The following PXN variants were observed in gnomAD, a reference collection of about 807,000 sequenced individuals.
The protein encoded by PXN is testicular tissue protein Li 134.
PXN carries 61 observed loss-of-function variants against 103.6 expected under a neutral mutation model. That is an observed-to-expected ratio of 0.59 (90% CI 0.48 to 0.73). PXN has a LOEUF of 0.73. Among genes scored for constraint, PXN ranks in the 30% least tolerant of loss-of-function variants. The probability of loss-of-function intolerance (pLI) is 0.00; values close to 1 mark genes in which losing one functional copy is unlikely to be tolerated. For synonymous variants in PXN, 562 were observed against 607.8 expected (o/e 0.92, Z 1.11); for missense variants, 1,274 against 1,460.3 (o/e 0.87, Z 2.08).
In PXN at chr12:120,216,660, C is replaced by A. The variant is rs1475331056; in HGVS notation, c.1993-79G>T. 1.9e-6 allele frequency: 3 copies of A among 1,560,940 alleles called. No individual in the cohort carries two copies. The East Asian group carries it at 7.0e-5, about 36-fold the overall frequency. On this transcript the variant is annotated intron_variant, in intron 8 of 14. Coordinates refer to ENST00000637617, the MANE Select transcript of PXN (RefSeq NM_001385981.1). The surrounding 1 kb of genome is among the most constrained non-coding windows in gnomAD (Gnocchi z 5.1). Reference sequence around the variant, plus strand: ...ACAGGGGTGGCGGGACCTCCCCAGGCTCCCCCTGGGCCTTCCCACTCTGCA... The same window carrying A: ...ACAGGGGTGGCGGGACCTCCCCAGGATCCCCCTGGGCCTTCCCACTCTGCA...
In PXN at chr12:120,224,313, C is replaced by CGACAA. The variant is rs1566393079; in HGVS notation, c.73_77dup (p.Glu27CysfsTer42). The CGACAA allele has an allele frequency of 6.2e-7, 1 of 1,613,930 alleles. No homozygotes were observed. The highest frequency in any genetic ancestry group is 8.5e-7 in the Non-Finnish European group (1 of 1,179,872). On this transcript the variant is annotated frameshift_variant, in exon 2 of 15. Transcript: ENST00000637617. LOFTEE classifies it high-confidence loss of function. The surrounding 1 kb of genome is among the most constrained non-coding windows in gnomAD (Gnocchi z 5.0). ...TTGGGTATGAGTAGGGGGTCTCCTC[C>CGACAA]GACAAGAACACAGGCCGTTTGGAGA...
chr12:120,240,806 C>A (rs1890014550), intron 1 of PXN, among the ~76,000 whole-genome samples: 1 of 152,190 alleles, frequency 6.6e-6, no homozygotes, highest in Admixed American at 6.5e-5. Context: ...TCGACACTAA[C>A]CCACCCAGGA....
chr12:120,246,514 C>CAAAAAAA (rs139689226), intron 1 of PXN, among the ~76,000 whole-genome samples: 48 of 57,066 alleles, frequency 8.4e-4, no homozygotes, highest in Non-Finnish European at 9.9e-4. Context: ...GACTCTGTCT[C>CAAAAAAA]AAAAAAAAAA....
At chr12:120,240,119 C>A (rs1166812549) in intron 1 of PXN, among the ~76,000 whole-genome samples, 1 of 152,146 alleles carries the variant, frequency 6.6e-6, no homozygotes, top group Non-Finnish European at 1.5e-5. Context: ...GGTATAATAA[C>A]TGCCCCTTAT....
chr12:120,255,950 G>A (rs1275196612), intron 1 of PXN, among the ~76,000 whole-genome samples: 5 of 149,448 alleles, frequency 3.3e-5, no homozygotes, highest in Admixed American at 1.3e-4. Flanking sequence ...TGCGGACTGC[G>A]GGGGGTTGGG....
chr12:120,247,751 G>A (rs969319074), intron 1 of PXN: 2 of 153,126 alleles, frequency 1.3e-5, no homozygotes, highest in Admixed American at 1.3e-4. Flanking sequence ...ACGTCCATCT[G>A]TACTGAGCTG....
Position 120,246,836 on chromosome 12 carries a change from T to C in PXN, c.13+18781A>G, listed in dbSNP as rs188978844. ...CGCCACTGCACTCCAGCCTGGGCAA[T>C]AGAGTGAGAATCTGTCTTAAAAAAA... is the stretch of plus-strand genomic sequence containing the variant. On this transcript the variant is annotated intron_variant, in intron 1 of 14. Coordinates refer to ENST00000637617, the MANE Select transcript of PXN (RefSeq NM_001385981.1). Among the ~76,000 whole-genome samples, 445 of 142,962 alleles carry C rather than the reference T, an allele frequency of 3.1e-3. 1 individual carries two copies. Among genetic ancestry groups the C allele is most frequent in the Admixed American group, 4.2e-3 (58 of 13,850 alleles). 93.8% of individuals were successfully genotyped at this position (142,962 alleles called of 152,430 possible).
At position 120,216,307 on chromosome 12, in the gene PXN, T is replaced by G. The variant is rs991269398; in HGVS notation, c.2267A>C (p.Gln756Pro). The change falls in exon 9 of 15, where the codon CAG (glutamine) becomes CCG (proline). Residue 756 changes from glutamine (Q) to proline (P), a missense_variant. This residue lies in a region of PXN where 1,178 missense variants were observed against 1,309.0 expected (regional missense o/e 0.90). Coordinates refer to ENST00000637617, the MANE Select transcript of PXN (RefSeq NM_001385981.1). The surrounding 1 kb of genome is among the most constrained non-coding windows in gnomAD (Gnocchi z 5.1). ...APHTMRSVGC[Q>P]TDEDPLFPPM... ...GGGGAAGAGCGGGTCCTCATCAGTC[T>G]GGCAGCCCACGGACCTCATGGTGTG... The G allele has an allele frequency of 2.2e-5, 28 of 1,286,578 alleles. No individual in the cohort carries two copies. The highest frequency in any genetic ancestry group is 3.9e-5 in the Admixed American group (1 of 25,962). The allele number at this position is 1,286,578 out of a possible 1,614,324, so 79.7% of individuals were successfully genotyped here.
At position 120,215,001 on chromosome 12, in the gene PXN, G is replaced by A; in HGVS notation, c.2575-3C>T. 3.7e-6 allele frequency: 6 copies of A among 1,612,912 alleles called. No homozygotes were observed. The highest frequency in any genetic ancestry group is 1.7e-4 in the Middle Eastern group (1 of 6,060). ...GTCTTCCCCATGGCGGTCACAACCT[G>A]AGGAGGAGATGGAATGCGGTCCAGG... On this transcript the variant is annotated splice_polypyrimidine_tract_variant and splice_region_variant and intron_variant, in intron 11 of 14. Coordinates refer to ENST00000637617, the MANE Select transcript of PXN (RefSeq NM_001385981.1). The surrounding 1 kb of genome is among the most constrained non-coding windows in gnomAD (Gnocchi z 4.9).
At position 120,224,754 on chromosome 12, in the gene PXN, C is replaced by CG; in HGVS notation, c.14-378dup. 2.0e-6 allele frequency: 1 copy of CG among 491,768 alleles called. No homozygotes were observed. Among genetic ancestry groups the CG allele is most frequent in the Non-Finnish European group, 4.0e-6 (1 of 250,836 alleles). The allele number at this position is 491,768 out of a possible 1,614,324, so 30.5% of individuals were successfully genotyped here. A position where few individuals can be genotyped will look rare whatever the true frequency, so the allele number is the denominator to read the frequency against. Reference sequence around the variant, plus strand: ...TGCAGGGCAACGCGGAGAGAATGGGCGGGAGGGGCCCCACGTCACAGGGAG... The same window carrying CG: ...TGCAGGGCAACGCGGAGAGAATGGGCGGGGAGGGGCCCCACGTCACAGGGAG... On this transcript the variant is annotated intron_variant, in intron 1 of 14. Transcript: ENST00000637617. The surrounding 1 kb of genome is among the most constrained non-coding windows in gnomAD (Gnocchi z 5.0).
At chr12:120,237,208 G>C (rs1249291611) in intron 1 of PXN, among the ~76,000 whole-genome samples, 1 of 151,432 alleles carries the variant, frequency 6.6e-6, no homozygotes, top group Non-Finnish European at 1.5e-5. Flanking sequence ...GCCCAGGCTG[G>C]GGTACAGTGG....
chr12:120,227,356 C>T (rs1887088968), intron 1 of PXN, among the ~76,000 whole-genome samples: 1 of 152,120 alleles, frequency 6.6e-6, no homozygotes, highest in African/African-American at 2.4e-5. Context: ...TAAAAATTAG[C>T]TGGGTGTGGT....
chr12:120,212,188 C>T lies in PXN; in HGVS notation c.*126G>A, dbSNP rs1880382225. The T allele has an allele frequency of 4.4e-6, 6 of 1,369,042 alleles. No individual in the cohort carries two copies. In the East Asian group the frequency reaches 7.0e-5, roughly 16 times the overall value. 84.8% of individuals were successfully genotyped at this position (1,369,042 alleles called of 1,614,324 possible). On this transcript the variant is annotated 3_prime_UTR_variant, in exon 15 of 15. Coordinates refer to ENST00000637617, the MANE Select transcript of PXN (RefSeq NM_001385981.1). The surrounding 1 kb of genome is among the most constrained non-coding windows in gnomAD (Gnocchi z 7.2). ...CTCACGGCCCTCTGTCCATCCCGCACCAGCGGAGGACAAGGGTTCCAGTTT... is the reference window on the plus strand; with the variant it reads ...CTCACGGCCCTCTGTCCATCCCGCATCAGCGGAGGACAAGGGTTCCAGTTT...
In PXN at chr12:120,231,195, G is replaced by A. The variant is rs756050285; in HGVS notation, c.14-6818C>T. ...TCTATCAAGAAAATGGGCAGAACCC[G>A]ATTTGTCCCCATTCCTAGTAGCATG... On this transcript the variant is annotated intron_variant, in intron 1 of 14. Transcript: ENST00000637617. Among the ~76,000 whole-genome samples, 29 of 152,296 alleles carry A rather than the reference G, an allele frequency of 1.9e-4. 1 individual carries two copies. The highest frequency in any genetic ancestry group is 6.5e-4 in the African/African-American group (27 of 41,552).
In PXN at chr12:120,215,297, C is replaced by A; in HGVS notation, c.2404-24G>T. 1 of 1,570,256 alleles carries A rather than the reference C, an allele frequency of 6.4e-7. No individual in the cohort carries two copies. The highest frequency in any genetic ancestry group is 8.6e-7 in the Non-Finnish European group (1 of 1,160,902). On this transcript the variant is annotated intron_variant, in intron 10 of 14. Coordinates refer to ENST00000637617, the MANE Select transcript of PXN (RefSeq NM_001385981.1). The surrounding 1 kb of genome is among the most constrained non-coding windows in gnomAD (Gnocchi z 4.9). ...AACTGTGGACACGGAGGGGGCTGGT[C>A]AGGACTCCTGAGGCTCGGGGTACGG...
At chr12:120,233,038 T>C (rs1793486466) in intron 1 of PXN, among the ~76,000 whole-genome samples, 1 of 152,222 alleles carries the variant, frequency 6.6e-6, no homozygotes, top group South Asian at 2.1e-4. Flanking sequence ...TGTCATCACT[T>C]GCCTCCCTTT....
At position 120,215,228 on chromosome 12, in the gene PXN, G is replaced by T; in HGVS notation, c.2449C>A (p.Pro817Thr). 1.3e-6 allele frequency: 2 copies of T among 1,591,286 alleles called. No individual in the cohort carries two copies. The highest frequency in any genetic ancestry group is 1.7e-6 in the Non-Finnish European group (2 of 1,169,354). Residue 817 changes from proline to threonine, a missense_variant, in exon 11 of 15, where the codon CCC becomes ACC. This residue lies in a region of PXN where 1,178 missense variants were observed against 1,309.0 expected (regional missense o/e 0.90). Transcript: ENST00000637617. This position sits in a 1 kb window ranked among gnomAD's most constrained non-coding sequence, Gnocchi z 4.9. ...TCCAGCTGGCTCCCGGGCTTCGGGGGCCCCCCAGGGGGTGAGCTGCTCCCT... is the reference window on the plus strand; with the variant it reads ...TCCAGCTGGCTCCCGGGCTTCGGGGTCCCCCCAGGGGGTGAGCTGCTCCCT... Reference protein sequence around the residue: ...KTGSSSPPGGPPKPGSQLDSM... With the variant: ...KTGSSSPPGGTPKPGSQLDSM...
In PXN at chr12:120,210,696, C is replaced by T. The variant is rs1879957447; in HGVS notation, c.*1618G>A. The T allele has an allele frequency of 6.5e-6, 1 of 152,834 alleles. No homozygotes were observed. Among genetic ancestry groups the T allele is most frequent in the African/African-American group, 2.4e-5 (1 of 41,444 alleles). The allele number at this position is 152,834 out of a possible 1,614,324, so 9.5% of individuals were successfully genotyped here. ...TTTGGAGGGGCTGGGCTGACCTTCC[C>T]CCAAAAAGGAGGGACCCTCTTCGGA... On this transcript the variant is annotated 3_prime_UTR_variant, in exon 15 of 15. Transcript: ENST00000637617.
Position 120,214,932 on chromosome 12 carries a change from TCTC to T in PXN, c.2638_2640del (p.Glu880del), listed in dbSNP as rs1566354869. The T allele has an allele frequency of 9.9e-6, 16 of 1,613,944 alleles. No individual in the cohort carries two copies. The highest frequency in any genetic ancestry group is 1.3e-5 in the Non-Finnish European group (15 of 1,179,848). ...CGCTCGAAGAAGTTCCGGGATCCGA[TCTC>T]CTCCTGGCAGTGGGTGCAGACGAAG... On this transcript the variant is annotated inframe_deletion, in exon 12 of 15. Transcript: ENST00000637617. The surrounding 1 kb of genome is among the most constrained non-coding windows in gnomAD (Gnocchi z 5.0).
Sources: allele counts gnomAD v4.1 joint callset (sites outside exome capture counted in the v4.1 genomes callset), GRCh38; gene constraint gnomAD v4.1.1; regional missense constraint gnomAD v4.1.1; non-coding constraint Gnocchi (gnomAD v3.1); transcripts MANE v1.5; gene names NCBI Gene and HGNC (gene_info 2026-07-23, HGNC 2026-07-21).